Variants in CAMTA1 observed in about 807,000 individuals in gnomAD.
CAMTA1 encodes the protein calmodulin binding transcription activator 1, also known as calmodulin-binding transcription activator 1.
Under a neutral mutation model 170.9 loss-of-function variants are expected in CAMTA1, and 27 were observed. The ratio of observed to expected loss-of-function variants is 0.16; its 90% CI spans 0.12 to 0.22. The LOEUF is 0.22. Ranked by LOEUF, CAMTA1 falls within the 10% of genes least tolerant of loss-of-function variation. The pLI is 1.00. For missense variants in CAMTA1, 1,619 were observed against 2,217.2 expected, an observed-to-expected ratio of 0.73 and a Z score of 5.42; for synonymous variants, 833 against 891.5, an observed-to-expected ratio of 0.93 and a Z score of 1.17.
At chr1:7,075,852 G>T (rs781536335) in intron 3 of CAMTA1, among the ~76,000 whole-genome samples, 12 of 151,068 alleles carry the variant, frequency 7.9e-5, no homozygotes, top group Non-Finnish European at 1.3e-4. Context: ...TAGTAGAGAC[G>T]GGGTTTCGTC....
At chr1:7,728,331 C>T (rs2096706580) in intron 11 of CAMTA1, among the ~76,000 whole-genome samples, 1 of 152,238 alleles carries the variant, frequency 6.6e-6, no homozygotes, top group Admixed American at 6.5e-5. Context: ...CGCACTGCAG[C>T]ACACTGCAGC....
In CAMTA1 at chr1:7,560,800, G is replaced by A. The variant is rs79857620; in HGVS notation, c.511-79600G>A. On this transcript the variant is annotated intron_variant, in intron 6 of 22. Transcript: ENST00000303635. ...AGAGCATCATGAGAACATGGGACTC[G>A]GGGCAGGCACTCAGGTGGGGAAGAG... is the stretch of plus-strand genomic sequence containing the variant. Among the ~76,000 whole-genome samples the A allele has an allele frequency of 2.6e-3, 391 of 152,042 alleles. 4 individuals are homozygous for A. The highest frequency in any genetic ancestry group is 7.7e-3 in the African/African-American group (321 of 41,462).
chr1:7,375,479 C>A (rs971472790), intron 5 of CAMTA1, among the ~76,000 whole-genome samples: 5 of 152,188 alleles, frequency 3.3e-5, no homozygotes, highest in Middle Eastern at 3.2e-3. Context: ...CACCTGGTTG[C>A]CACTGGGGGA....
chr1:7,288,158 C>T (rs1379361981), intron 5 of CAMTA1, among the ~76,000 whole-genome samples: 1 of 152,098 alleles, frequency 6.6e-6, no homozygotes, highest in African/African-American at 2.4e-5. Flanking sequence ...GCAGTGGAGC[C>T]GGGATTCAGG....
In CAMTA1 at chr1:7,435,595, G is replaced by A. The variant is rs533692305; in HGVS notation, c.439-32235G>A. 2.0e-5 allele frequency among the ~76,000 whole-genome samples: 3 copies of A among 152,322 alleles called. No homozygotes were observed. The South Asian group carries it at 6.2e-4, about 32-fold the overall frequency. ...GGTGGCAGTGGAGCGCAGTCCCCAT[G>A]CTTGGGGAAAGTCCCCCAGCTTTGG... On this transcript the variant is annotated intron_variant, in intron 5 of 22. Coordinates refer to ENST00000303635, the MANE Select transcript of CAMTA1 (RefSeq NM_015215.4). The surrounding 1 kb of genome is among the most constrained non-coding windows in gnomAD (Gnocchi z 4.4).
At chr1:7,098,099 T>TTGTGTGTGTG (rs61519330) in intron 4 of CAMTA1, among the ~76,000 whole-genome samples, 134 of 150,876 alleles carry the variant, frequency 8.9e-4, no homozygotes, top group African/African-American at 2.9e-3. Flanking sequence ...GGTGGACGAA[T>TTGTGTGTGTG]TGTGTGTGTG....
chr1:7,088,308 G>C (rs1205076473), intron 3 of CAMTA1, among the ~76,000 whole-genome samples: 1 of 152,150 alleles, frequency 6.6e-6, no homozygotes, highest in African/African-American at 2.4e-5. Context: ...TCTTACATCA[G>C]CGTGATTTCC....
chr1:6,838,540 G>C (rs1654232424), intron 3 of CAMTA1, among the ~76,000 whole-genome samples: 1 of 152,122 alleles, frequency 6.6e-6, no homozygotes. Context: ...ACCATCTGAA[G>C]TGAACAATTT....
chr1:7,485,394 T>A (rs2093604861), intron 6 of CAMTA1, among the ~76,000 whole-genome samples: 1 of 152,112 alleles, frequency 6.6e-6, no homozygotes, highest in African/African-American at 2.4e-5. Context: ...TGCTCTCAGC[T>A]CCCTGGGATC....
intron 5 of CAMTA1, among the ~76,000 whole-genome samples, chr1:7,460,044 T>C (rs2093045700): frequency 6.6e-6 from 1 of 152,240 alleles, no homozygotes. Flanking sequence ...GGGCCTTTGC[T>C]TCAAAGGCAA....
intron 11 of CAMTA1, among the ~76,000 whole-genome samples, chr1:7,705,143 C>T (rs1312356784): frequency 1.3e-5 from 2 of 148,540 alleles, no homozygotes; most frequent in Non-Finnish European, 3.0e-5. Flanking sequence ...GTTTCTGGCG[C>T]GAGTGGGAAG....
At chr1:7,038,321 A>G (rs1208387517) in intron 3 of CAMTA1, among the ~76,000 whole-genome samples, 1 of 152,224 alleles carries the variant, frequency 6.6e-6, no homozygotes, top group East Asian at 1.9e-4. Flanking sequence ...CTAAATGTCC[A>G]CCAGTGGGGA....
At chr1:7,138,108 C>A (rs571841727) in intron 4 of CAMTA1, among the ~76,000 whole-genome samples, 13 of 152,318 alleles carry the variant, frequency 8.5e-5, no homozygotes, top group African/African-American at 3.1e-4. Context: ...ACATCAGCCA[C>A]CCAAGTAGCT....
At chr1:7,488,749 CACAT>C (rs1173870856) in intron 6 of CAMTA1, among the ~76,000 whole-genome samples, 5 of 152,110 alleles carry the variant, frequency 3.3e-5, no homozygotes, top group Non-Finnish European at 7.4e-5. Flanking sequence ...CACATATATA[CACAT>C]ACATGTACAT....
chr1:7,193,827 G>A (rs753634598), intron 4 of CAMTA1, among the ~76,000 whole-genome samples: 1 of 152,200 alleles, frequency 6.6e-6, no homozygotes, highest in Non-Finnish European at 1.5e-5. Flanking sequence ...TCCTTTAGGT[G>A]TTCAGGTGGA....
chr1:7,616,503 A>G (rs553469472), intron 6 of CAMTA1, among the ~76,000 whole-genome samples: 2 of 152,370 alleles, frequency 1.3e-5, no homozygotes, highest in East Asian at 3.9e-4. Context: ...GCGAAGGCCA[A>G]GTCTCTTAAA....
At chr1:6,998,844 G>T (rs1364337017) in intron 3 of CAMTA1, among the ~76,000 whole-genome samples, 4 of 152,154 alleles carry the variant, frequency 2.6e-5, no homozygotes, top group African/African-American at 7.2e-5. Context: ...TTCAAAAGCA[G>T]TGTTAGGATC....
At chr1:7,439,890 T>C (rs761751902) in intron 5 of CAMTA1, among the ~76,000 whole-genome samples, 9 of 152,216 alleles carry the variant, frequency 5.9e-5, no homozygotes, top group Non-Finnish European at 7.3e-5. Flanking sequence ...ATCTCCAACC[T>C]TGGCTTCCTC....
intron 11 of CAMTA1, among the ~76,000 whole-genome samples, 158 bp downstream of exon 11, chr1:7,677,891 T>C (rs61526491): frequency 0.054 from 8,255 of 152,322 alleles, 596 homozygotes; most frequent in East Asian, 0.26. Context: ...ACCGCCAGGC[T>C]GAGTGCCTAT....
Sources: allele counts gnomAD v4.1 joint callset (sites outside exome capture counted in the v4.1 genomes callset), GRCh38; gene constraint gnomAD v4.1.1; non-coding constraint Gnocchi (gnomAD v3.1); transcripts MANE v1.5; gene names NCBI Gene and HGNC (gene_info 2026-07-23, HGNC 2026-07-21).